LRGUK: variants seen among roughly 807,000 people sequenced by gnomAD.
The protein encoded by LRGUK is leucine rich repeats and guanylate kinase domain containing.
LRGUK carries 65 observed loss-of-function variants against 76.0 expected under a neutral mutation model. The observed-to-expected ratio is 0.85, with a 90% CI of 0.70 to 1.05. The LOEUF (loss-of-function observed/expected upper bound fraction) is 1.05. Ranked by LOEUF, LRGUK falls within the 50% of genes least tolerant of loss-of-function variation. The pLI, the probability that LRGUK is intolerant of heterozygous loss-of-function variation, is 0.00. For synonymous variants in LRGUK, 268 were observed against 265.6 expected, an observed-to-expected ratio of 1.01 and a Z score of -0.09; for missense variants, 758 against 732.8, an observed-to-expected ratio of 1.03 and a Z score of -0.40.
intron 18 of LRGUK, among the ~76,000 whole-genome samples, chr7:134,251,672 G>T (rs1196692049): frequency 1.3e-5 from 2 of 152,058 alleles, no homozygotes; most frequent in Admixed American, 1.3e-4. Context: ...ACTATCGTAT[G>T]CACTATATCT....
chr7:134,235,108 CAG>C (rs943931379), intron 16 of LRGUK, among the ~76,000 whole-genome samples: 4 of 152,230 alleles, frequency 2.6e-5, no homozygotes, highest in African/African-American at 7.2e-5. Flanking sequence ...TTTGCAAACA[CAG>C]AAGACAGAAT....
At chr7:134,242,301 G>A (rs553725997) in intron 16 of LRGUK, among the ~76,000 whole-genome samples, 213 of 152,062 alleles carry the variant, frequency 1.4e-3, no homozygotes, top group African/African-American at 4.5e-3. Context: ...TTGATAGACC[G>A]CTAGCAAGAC....
rs532244921 is a variant in LRGUK at position 134,144,280 on chromosome 7, C to G, written c.588+1118C>G. Among the ~76,000 whole-genome samples, 5 of 152,266 alleles carry G rather than the reference C, an allele frequency of 3.3e-5. No homozygotes were observed. The South Asian group carries it at 1.0e-3, about 32-fold the overall frequency. ...CAGCCTGAGTAGCTGGGACTACAGG[C>G]ACGTGCCAAAACACCTGGCTAACTT... On this transcript the variant is annotated intron_variant, in intron 4 of 15. Transcript: ENST00000645682.
At chr7:134,204,135 A>T (rs1418752644) in intron 15 of LRGUK, among the ~76,000 whole-genome samples, 1 of 152,170 alleles carries the variant, frequency 6.6e-6, no homozygotes, top group African/African-American at 2.4e-5. Flanking sequence ...GTGTTTCTCA[A>T]TCTGAGGTTG....
At position 134,137,240 on chromosome 7, in the gene LRGUK, C is replaced by T. The variant is rs1299624033; in HGVS notation, c.405+110C>T. ...GTGGTGACAGCAAATCTTGGAGCCT[C>T]GCATTTGATGGAGACTGGTGACAAG... On this transcript the variant is annotated intron_variant, in intron 2 of 15. Transcript: ENST00000645682. 5 of 757,850 alleles carry T rather than the reference C, an allele frequency of 6.6e-6. No homozygotes were observed. In the African/African-American group the frequency reaches 7.0e-5, roughly 11 times the overall value. The allele number at this position is 757,850 out of a possible 1,614,324, so 46.9% of individuals were successfully genotyped here.
At chr7:134,272,329 C>CT in the LRGUK span, among the ~76,000 whole-genome samples, 1 of 151,486 alleles carries the variant, frequency 6.6e-6, no homozygotes, top group Admixed American at 6.6e-5. Context: ...TCATTTTTTC[C>CT]TACTTATTCA....
At chr7:134,132,806 G>C (rs1030760546) in intron 1 of LRGUK, among the ~76,000 whole-genome samples, 1 of 152,212 alleles carries the variant, frequency 6.6e-6, no homozygotes, top group African/African-American at 2.4e-5. Flanking sequence ...TCTAAGACCT[G>C]AGTGAGAAAC....
intron 16 of LRGUK, among the ~76,000 whole-genome samples, chr7:134,244,718 G>T (rs1802248663): frequency 6.6e-6 from 1 of 152,080 alleles, no homozygotes; most frequent in African/African-American, 2.4e-5. Context: ...ATACCCAAAA[G>T]ATTTAAATGA....
chr7:134,240,708 C>T lies in LRGUK; in HGVS notation c.1984-6848C>T, dbSNP rs1008793911. 2.0e-5 allele frequency among the ~76,000 whole-genome samples: 3 copies of T among 152,234 alleles called. No individual in the cohort carries two copies. The East Asian group carries it at 5.8e-4, about 29-fold the overall frequency. Reference sequence around the variant, plus strand: ...TATTCAGGAAATACAGAGAATGCCACAAAGATACTCCTCTAGAAGAGCAAC... The same window carrying T: ...TATTCAGGAAATACAGAGAATGCCATAAAGATACTCCTCTAGAAGAGCAAC... On this transcript the variant is annotated intron_variant, in intron 16 of 19. Transcript: ENST00000285928.
chr7:134,148,746 G>T (rs541218739), intron 5 of LRGUK, among the ~76,000 whole-genome samples: 1 of 152,054 alleles, frequency 6.6e-6, no homozygotes, highest in Non-Finnish European at 1.5e-5. Context: ...CCAACATGGC[G>T]GAAACCCTGC....
At position 134,150,602 on chromosome 7, in the gene LRGUK, C is replaced by A. The variant is rs1798178840; in HGVS notation, c.670+2283C>A. Reference sequence around the variant, plus strand: ...TCCCTGAATGCTGATGATGCCATGGCAGTCTGGAGTTTGTTATGGAGATCT... The same window carrying A: ...TCCCTGAATGCTGATGATGCCATGGAAGTCTGGAGTTTGTTATGGAGATCT... On this transcript the variant is annotated intron_variant, in intron 5 of 15. Coordinates refer to ENST00000645682, the Ensembl canonical transcript of LRGUK. Among the ~76,000 whole-genome samples the A allele has an allele frequency of 2.6e-5, 4 of 152,238 alleles. No homozygotes were observed. The South Asian group carries it at 8.3e-4, about 32-fold the overall frequency.
At chr7:134,211,248 C>T (rs1463260861), downstream of LRGUK, among the ~76,000 whole-genome samples, 1 of 152,228 alleles carries the variant, frequency 6.6e-6, no homozygotes, top group African/African-American at 2.4e-5. Flanking sequence ...CCAAATTGAG[C>T]CATTCTGGAA....
chr7:134,190,240 T>C (rs1800143528), intron 11 of LRGUK, among the ~76,000 whole-genome samples: 1 of 152,236 alleles, frequency 6.6e-6, no homozygotes, highest in Non-Finnish European at 1.5e-5. Context: ...AGGGTGTTGC[T>C]CTGTTGCCTC....
chr7:134,268,191 C>T (rs1802894617), downstream of LRGUK, among the ~76,000 whole-genome samples: 1 of 147,386 alleles, frequency 6.8e-6, no homozygotes, highest in South Asian at 2.3e-4. Flanking sequence ...AAGCTGATTC[C>T]TTGAAAACAT....
chr7:134,169,394 C>A (rs1799152337), intron 7 of LRGUK, among the ~76,000 whole-genome samples: 1 of 152,096 alleles, frequency 6.6e-6, no homozygotes, highest in Admixed American at 6.5e-5. Flanking sequence ...GAAGAAATTT[C>A]TGTTGTTTTA....
At chr7:134,135,084 A>C (rs1585413199) in intron 1 of LRGUK, among the ~76,000 whole-genome samples, 1 of 152,204 alleles carries the variant, frequency 6.6e-6, no homozygotes, top group African/African-American at 2.4e-5. Flanking sequence ...AATTTGTAAT[A>C]TTTGTGGGGG....
At chr7:134,226,208 C>T (rs551780901) in intron 16 of LRGUK, among the ~76,000 whole-genome samples, 2 of 144,394 alleles carry the variant, frequency 1.4e-5, no homozygotes, top group East Asian at 3.9e-4. Flanking sequence ...GGTAGAAATT[C>T]CCATCTCCAA....
intron 10 of LRGUK, among the ~76,000 whole-genome samples, chr7:134,180,324 CCA>C (rs1799687445): frequency 6.7e-6 from 1 of 150,022 alleles, no homozygotes; most frequent in Non-Finnish European, 1.5e-5. Context: ...ATCCATCCAT[CCA>C]TCCATCCATC....
At chr7:134,134,794 C>T (rs950442327) in intron 1 of LRGUK, among the ~76,000 whole-genome samples, 1 of 152,254 alleles carries the variant, frequency 6.6e-6, no homozygotes, top group East Asian at 1.9e-4. Flanking sequence ...TGTGAACAGC[C>T]TGATTGGCAT....
Sources: allele counts gnomAD v4.1 joint callset (sites outside exome capture counted in the v4.1 genomes callset), GRCh38; gene constraint gnomAD v4.1.1; transcripts MANE v1.5; gene names NCBI Gene and HGNC (gene_info 2026-07-23, HGNC 2026-07-21).